The following SAMMSON variants were observed in gnomAD, a reference collection of about 807,000 sequenced individuals.
SAMMSON encodes the protein long intergenic non-protein coding RNA 1212.
chr3:70,390,371 A>C (rs1042131772), downstream of SAMMSON, among the ~76,000 whole-genome samples: 3 of 152,124 alleles, frequency 2.0e-5, no homozygotes, highest in Non-Finnish European at 2.9e-5. Flanking sequence ...CCATTCTTGC[A>C]TTGCTGTAAA....
chr3:70,341,099 G>A (rs1702707529), intron 7 of SAMMSON, among the ~76,000 whole-genome samples: 1 of 151,988 alleles, frequency 6.6e-6, no homozygotes, highest in Non-Finnish European at 1.5e-5. Flanking sequence ...GTTTATTGTT[G>A]TTACTATTTT....
chr3:70,427,822 C>T (rs1701384008), intron 2 of SAMMSON, among the ~76,000 whole-genome samples: 2 of 151,552 alleles, frequency 1.3e-5, no homozygotes, highest in South Asian at 2.1e-4. Context: ...GTTGCGGAGT[C>T]TCTTGCTTTC....
chr3:70,253,978 G>T (rs1340614583), intron 6 of SAMMSON, among the ~76,000 whole-genome samples: 2 of 152,090 alleles, frequency 1.3e-5, no homozygotes, highest in Non-Finnish European at 2.9e-5. Context: ...AATATAGCTA[G>T]CTCAGAAGAT....
chr3:70,221,755 A>T (rs1701462332), intron 4 of SAMMSON, among the ~76,000 whole-genome samples: 1 of 152,186 alleles, frequency 6.6e-6, no homozygotes, highest in African/African-American at 2.4e-5. Context: ...CTGTTGTCCC[A>T]ATCCTTGGGA....
intron 9 of SAMMSON, among the ~76,000 whole-genome samples, chr3:70,359,310 G>A (rs1702853915): frequency 6.6e-6 from 1 of 152,126 alleles, no homozygotes; most frequent in Non-Finnish European, 1.5e-5. Context: ...ACTGAGTTAA[G>A]CATTAAATGC....
intron 4 of SAMMSON, chr3:70,205,837 T>C (rs1182278020): frequency 6.6e-6 from 1 of 152,150 alleles, no homozygotes; most frequent in African/African-American, 2.4e-5. Context: ...TAAATGCTAA[T>C]GTAGATACTG....
chr3:70,272,937 G>T (rs1352902043), intron 6 of SAMMSON, among the ~76,000 whole-genome samples: 2 of 152,176 alleles, frequency 1.3e-5, no homozygotes, highest in African/African-American at 2.4e-5. Context: ...AAAACCCTGA[G>T]GAGTCATTTA....
At chr3:70,328,195 C>T (rs1397415906) in intron 7 of SAMMSON, among the ~76,000 whole-genome samples, 2 of 152,152 alleles carry the variant, frequency 1.3e-5, no homozygotes, top group Non-Finnish European at 2.9e-5. Context: ...GTCCCTTCCA[C>T]AACACGTGGG....
chr3:70,355,777 T>G (rs899380654), intron 8 of SAMMSON, among the ~76,000 whole-genome samples: 1 of 151,794 alleles, frequency 6.6e-6, no homozygotes, highest in African/African-American at 2.4e-5. Flanking sequence ...GCATAAGGAG[T>G]AGGAGAAGTG....
intron 2 of SAMMSON, among the ~76,000 whole-genome samples, chr3:70,421,116 G>C (rs920030576): frequency 3.3e-5 from 5 of 151,876 alleles, no homozygotes; most frequent in Non-Finnish European, 7.4e-5. Context: ...AACAAGAAAA[G>C]ATCTTCCAAA....
intron 9 of SAMMSON, among the ~76,000 whole-genome samples, chr3:70,385,865 T>A (rs938514088): frequency 2.0e-5 from 3 of 152,120 alleles, no homozygotes; most frequent in African/African-American, 7.2e-5. Context: ...TTCCTGTGGA[T>A]GCTGGTAAAG....
intron 7 of SAMMSON, among the ~76,000 whole-genome samples, chr3:70,323,149 C>T (rs1401225656): frequency 6.6e-6 from 1 of 152,060 alleles, no homozygotes; most frequent in Non-Finnish European, 1.5e-5. Context: ...TGTGAATCTC[C>T]TCTAAAATGC....
chr3:70,158,231 A>T (rs555291257), intron 4 of SAMMSON, among the ~76,000 whole-genome samples: 54 of 152,172 alleles, frequency 3.5e-4, no homozygotes, highest in African/African-American at 1.3e-3. Context: ...TCCCACCTCC[A>T]GCAACCACTA....
intron 4 of SAMMSON, chr3:70,196,851 T>C (rs1701186502): frequency 2.5e-6 from 1 of 397,940 alleles, no homozygotes; most frequent in Admixed American, 4.4e-5. Flanking sequence ...TTTCAGCACA[T>C]GGAAATCAGT....
chr3:70,017,445 C>G (rs1479132172), intron 3 of SAMMSON, among the ~76,000 whole-genome samples: 1 of 152,086 alleles, frequency 6.6e-6, no homozygotes, highest in African/African-American at 2.4e-5. Context: ...TATCCTGAGA[C>G]TTTGCTGAAG....
At chr3:70,383,351 A>G (rs899005476) in intron 9 of SAMMSON, among the ~76,000 whole-genome samples, 4 of 151,502 alleles carry the variant, frequency 2.6e-5, no homozygotes, top group South Asian at 2.1e-4. Context: ...TAAAAATAAA[A>G]AAAAAAAACA....
At chr3:70,267,466 G>T (rs1304435304) in intron 6 of SAMMSON, among the ~76,000 whole-genome samples, 2 of 127,482 alleles carry the variant, frequency 1.6e-5, no homozygotes, top group Non-Finnish European at 3.1e-5. Context: ...GCAGTGGCGC[G>T]ATCTCCGCTC....
At chr3:70,331,988 A>C (rs1420912716) in intron 7 of SAMMSON, among the ~76,000 whole-genome samples, 1 of 152,254 alleles carries the variant, frequency 6.6e-6, no homozygotes, top group Non-Finnish European at 1.5e-5. Context: ...GAAGTGTGGC[A>C]TTAGTGAATT....
At chr3:70,384,987 A>G (rs906896823) in intron 9 of SAMMSON, among the ~76,000 whole-genome samples, 8 of 152,082 alleles carry the variant, frequency 5.3e-5, no homozygotes, top group Admixed American at 3.9e-4. Context: ...TAATAGCCAC[A>G]TGTGCCAGTG....
Sources: gnomAD v4.1 joint callset for allele counts (sites outside exome capture counted in the v4.1 genomes callset) on GRCh38, gnomAD v4.1.1 for gene constraint, MANE v1.5 for transcripts, NCBI Gene and HGNC (gene_info 2026-07-23, HGNC 2026-07-21) for gene names.